CPS1: variants seen among roughly 807,000 people sequenced by gnomAD.
The protein encoded by CPS1 is carbamoyl-phosphate synthase 1, also known as carbamoyl-phosphate synthase [ammonia], mitochondrial.
In CPS1, 109 loss-of-function variants were observed where a neutral mutation model predicts 174.6. The observed-to-expected ratio is 0.62, with a 90% confidence interval of 0.53 to 0.73. The LOEUF (loss-of-function observed/expected upper bound fraction) is 0.73, where lower values mean the gene tolerates loss of function less well. Ranked by LOEUF, CPS1 falls within the 30% of genes least tolerant of loss-of-function variation. The pLI is 0.00. For synonymous variants in CPS1, 637 were observed against 632.0 expected, an observed-to-expected ratio of 1.01 and a Z score of -0.12; for missense variants, 1,689 against 1,821.9, an observed-to-expected ratio of 0.93 and a Z score of 1.33.
chr2:210,573,979 G>T (rs1697603899), intron 2 of CPS1, among the ~76,000 whole-genome samples: 1 of 151,838 alleles, frequency 6.6e-6, no homozygotes, highest in Admixed American at 6.6e-5. Flanking sequence ...ACTGTGACCT[G>T]CCTTAGTATT....
At chr2:210,553,476 C>T (rs1451357912), upstream of CPS1, among the ~76,000 whole-genome samples, 1 of 151,400 alleles carries the variant, frequency 6.6e-6, no homozygotes, top group Non-Finnish European at 1.5e-5. Flanking sequence ...GAAAAGAAGA[C>T]TAAATCTAAA....
intron 25 of CPS1, among the ~76,000 whole-genome samples, chr2:210,644,888 G>T (rs1700329377): frequency 6.6e-6 from 1 of 152,078 alleles, no homozygotes; most frequent in African/African-American, 2.4e-5. Context: ...ACAGATCTAG[G>T]TATGATTAAT....
intron 19 of CPS1, 152 bp from the exon 20 acceptor site, chr2:210,611,965 G>A: frequency 1.5e-6 from 1 of 662,642 alleles, no homozygotes. Flanking sequence ...AGAAAAAAAG[G>A]AACACCTTTT....
intron 1 of CPS1, among the ~76,000 whole-genome samples, chr2:210,485,178 G>A (rs889856855): frequency 1.7e-4 from 25 of 150,708 alleles, no homozygotes; most frequent in Admixed American, 5.3e-4. Context: ...CTTGCAGTGA[G>A]CCAAGATGGT....
chr2:210,641,716 C>A (rs765335180), intron 24 of CPS1, among the ~76,000 whole-genome samples: 68 of 152,192 alleles, frequency 4.5e-4, no homozygotes, highest in Non-Finnish European at 7.2e-4. Flanking sequence ...ACTAGTCAAG[C>A]TAATAATCAA....
chr2:210,662,263 A>G lies in CPS1; in HGVS notation c.3928-860A>G, dbSNP rs1700948814. Among the ~76,000 whole-genome samples, 2 of 152,058 alleles carry G rather than the reference A, an allele frequency of 1.3e-5. 1 individual carries two copies. The highest frequency in any genetic ancestry group is 4.1e-4 in the South Asian group (2 of 4,826). On this transcript the variant is annotated intron_variant, in intron 32 of 37. Transcript: ENST00000233072. The stretch of plus-strand genomic sequence containing the variant: ...ATTCCCTAGTTAGCTTTGTATATAA[A>G]TCTTAGTTTTTTTCAAATTACTTAG...
intron 12 of CPS1, among the ~76,000 whole-genome samples, chr2:210,594,942 C>G (rs1273819814): frequency 6.6e-6 from 1 of 151,886 alleles, no homozygotes; most frequent in African/African-American, 2.4e-5. Context: ...TTTCAGACTA[C>G]AGAATCATTA....
chr2:210,494,640 T>TA (rs926713482), intron 1 of CPS1, among the ~76,000 whole-genome samples: 15 of 151,198 alleles, frequency 9.9e-5, no homozygotes, highest in Non-Finnish European at 1.3e-4. Flanking sequence ...CAAAAAATAG[T>TA]AAAAAAAATA....
chr2:210,479,397 C>T (rs540330101), intron 1 of CPS1, among the ~76,000 whole-genome samples: 3 of 149,062 alleles, frequency 2.0e-5, no homozygotes, highest in Non-Finnish European at 3.0e-5. Flanking sequence ...GGCACGATCT[C>T]GGCTCACTGC....
intron 1 of CPS1, among the ~76,000 whole-genome samples, chr2:210,497,986 C>T (rs1695043562): frequency 6.8e-6 from 1 of 147,160 alleles, no homozygotes; most frequent in African/African-American, 2.5e-5. Flanking sequence ...TTTGAGAAAT[C>T]TCTAAACTGC....
chr2:210,483,055 T>C (rs367944863), intron 1 of CPS1, among the ~76,000 whole-genome samples: 3 of 152,354 alleles, frequency 2.0e-5, no homozygotes, highest in African/African-American at 7.2e-5. Flanking sequence ...TTTTAAGTTA[T>C]AAAAGTTTAA....
intron 15 of CPS1, among the ~76,000 whole-genome samples, chr2:210,601,884 A>T (rs553575646): frequency 1.3e-5 from 2 of 152,056 alleles, no homozygotes; most frequent in East Asian, 3.9e-4. Flanking sequence ...CCAATAATTC[A>T]ATATGGCTGC....
At chr2:210,523,757 A>T (rs1033449163) in intron 1 of CPS1, among the ~76,000 whole-genome samples, 1 of 152,170 alleles carries the variant, frequency 6.6e-6, no homozygotes, top group South Asian at 2.1e-4. Flanking sequence ...ATGCAGGCAC[A>T]TATAAAGTGC....
intron 21 of CPS1, among the ~76,000 whole-genome samples, chr2:210,623,772 T>G (rs2105877613): frequency 6.6e-6 from 1 of 152,264 alleles, no homozygotes. Context: ...TCCCTTTGAA[T>G]GTCCTCTCCT....
chr2:210,503,468 G>C (rs1291289759), intron 1 of CPS1, among the ~76,000 whole-genome samples: 2 of 152,114 alleles, frequency 1.3e-5, no homozygotes, highest in African/African-American at 4.8e-5. Flanking sequence ...ATTTCCAGCA[G>C]GTGTGTGTTC....
chr2:210,610,345 A>T (rs1238616195), intron 19 of CPS1, among the ~76,000 whole-genome samples: 2 of 152,088 alleles, frequency 1.3e-5, no homozygotes, highest in East Asian at 3.9e-4. Flanking sequence ...CTAACACCTT[A>T]CATTTAGTTC....
At chr2:210,580,012 A>T (rs956839078) in intron 5 of CPS1, among the ~76,000 whole-genome samples, 2 of 152,168 alleles carry the variant, frequency 1.3e-5, no homozygotes, top group Admixed American at 1.3e-4. Flanking sequence ...CTGGCAGCTT[A>T]TTGAGTGCCC....
At chr2:210,644,404 G>A (rs1009868711) in intron 25 of CPS1, among the ~76,000 whole-genome samples, 11 of 152,032 alleles carry the variant, frequency 7.2e-5, no homozygotes, top group Middle Eastern at 3.2e-3. Context: ...TGCATGACTC[G>A]AGACAGAATT....
intron 14 of CPS1, among the ~76,000 whole-genome samples, chr2:210,600,224 A>T (rs535581462): frequency 6.6e-6 from 1 of 151,894 alleles, no homozygotes; most frequent in African/African-American, 2.4e-5. Context: ...GGGATTTTTT[A>T]AATTATAGAA....
Sources: gnomAD v4.1 joint callset for allele counts (sites outside exome capture counted in the v4.1 genomes callset) on GRCh38, gnomAD v4.1.1 for gene constraint, MANE v1.5 for transcripts, NCBI Gene and HGNC (gene_info 2026-07-23, HGNC 2026-07-21) for gene names.